The following DPP6 variants were observed in gnomAD, a reference collection of about 807,000 sequenced individuals.
The protein encoded by DPP6 is A-type potassium channel modulatory protein DPP6.
Under a neutral mutation model 122.6 loss-of-function variants are expected in DPP6, and 69 were observed. The ratio of observed to expected loss-of-function variants is 0.56; its 90% CI spans 0.46 to 0.69. The LOEUF is 0.69. DPP6 is among the 30% of genes least tolerant of loss of function. The pLI is 0.00. For missense variants in DPP6, 928 were observed against 1,116.9 expected, an observed-to-expected ratio of 0.83 and a Z score of 2.41; for synonymous variants, 418 against 433.1, an observed-to-expected ratio of 0.97 and a Z score of 0.43.
At chr7:154,769,616 G>T (rs1258354395) in intron 9 of DPP6, 45 bp downstream of exon 9, 3 of 1,508,318 alleles carry the variant, frequency 2.0e-6, no homozygotes, top group East Asian at 4.8e-5. Context: ...TATTATTCAT[G>T]AACACCCCAA....
intron 1 of DPP6, among the ~76,000 whole-genome samples, chr7:154,366,835 C>G (rs1812232668): frequency 6.6e-6 from 1 of 152,162 alleles, no homozygotes; most frequent in South Asian, 2.1e-4. Flanking sequence ...GCCCAAGTCC[C>G]AATACAATTC....
At chr7:154,142,639 A>G (rs1189001184) in intron 1 of DPP6, among the ~76,000 whole-genome samples, 1 of 152,222 alleles carries the variant, frequency 6.6e-6, no homozygotes, top group Non-Finnish European at 1.5e-5. Flanking sequence ...CAGTTGATTA[A>G]TGTCACATGG....
At chr7:154,212,746 G>GA (rs1799807028) in intron 1 of DPP6, among the ~76,000 whole-genome samples, 1 of 152,202 alleles carries the variant, frequency 6.6e-6, no homozygotes. Flanking sequence ...CCTTGACCTT[G>GA]AAAATCACAA....
chr7:154,259,855 T>C (rs1802882297), intron 1 of DPP6, among the ~76,000 whole-genome samples: 2 of 152,170 alleles, frequency 1.3e-5, no homozygotes, highest in Admixed American at 6.5e-5. Flanking sequence ...GGGTGAAGCA[T>C]CTACCGTAAG....
intron 10 of DPP6, among the ~76,000 whole-genome samples, chr7:154,776,801 A>T (rs1796602991): frequency 6.6e-6 from 1 of 152,184 alleles, no homozygotes; most frequent in South Asian, 2.1e-4. Flanking sequence ...TGCTAAAGGA[A>T]CTAACTGAAA....
chr7:154,421,315 CTTT>C (rs35388071), intron 1 of DPP6, among the ~76,000 whole-genome samples: 7 of 140,836 alleles, frequency 5.0e-5, no homozygotes, highest in African/African-American at 1.0e-4. Flanking sequence ...ATGTCAGTTT[CTTT>C]TTTTTTTTTT....
chr7:153,988,658 C>T (rs1796968144), intron 1 of DPP6, among the ~76,000 whole-genome samples: 1 of 152,196 alleles, frequency 6.6e-6, no homozygotes, highest in South Asian at 2.1e-4. Flanking sequence ...AAGGGGTGCT[C>T]CAAGCGGTGC....
chr7:153,993,081 A>G lies in DPP6; in HGVS notation c.51+105347A>G, dbSNP rs559981505. Among the ~76,000 whole-genome samples, 14 of 152,336 alleles carry G rather than the reference A, an allele frequency of 9.2e-5. 1 individual carries two copies. The South Asian group carries it at 2.3e-3, about 25-fold the overall frequency. Reference sequence around the variant, plus strand: ...CTTATCCTTCTACTAAATATGAAATATCATAAGTAGAAGCCACTCCTGCTT... The same window carrying G: ...CTTATCCTTCTACTAAATATGAAATGTCATAAGTAGAAGCCACTCCTGCTT... On this transcript the variant is annotated intron_variant, in intron 1 of 25. Coordinates refer to the DPP6 transcript ENST00000404039.
At chr7:154,584,512 A>G (rs928566357) in intron 5 of DPP6, among the ~76,000 whole-genome samples, 13 of 152,182 alleles carry the variant, frequency 8.5e-5, no homozygotes, top group Non-Finnish European at 1.5e-4. Context: ...TATCCGACCC[A>G]TTGCAAAATG....
At chr7:154,475,085 C>A in intron 3 of DPP6, 48 bp downstream of exon 3, 2 of 1,404,996 alleles carry the variant, frequency 1.4e-6, no homozygotes, top group Non-Finnish European at 2.0e-6. Flanking sequence ...CCATGCCTCA[C>A]CCCCACTTTC....
At chr7:154,322,287 T>C (rs1409670899) in intron 1 of DPP6, among the ~76,000 whole-genome samples, 2 of 152,168 alleles carry the variant, frequency 1.3e-5, no homozygotes, top group Non-Finnish European at 2.9e-5. Flanking sequence ...TAGGATGCAA[T>C]GTGCATTTTT....
At chr7:154,262,061 G>A (rs958346092) in intron 1 of DPP6, among the ~76,000 whole-genome samples, 1 of 151,980 alleles carries the variant, frequency 6.6e-6, no homozygotes, top group Non-Finnish European at 1.5e-5. Context: ...AAGAGAGCTG[G>A]ATTCAGTGTT....
chr7:154,385,573 A>T (rs762069870), intron 1 of DPP6, among the ~76,000 whole-genome samples: 7 of 152,170 alleles, frequency 4.6e-5, no homozygotes, highest in Non-Finnish European at 7.3e-5. Context: ...GTGTGATCAT[A>T]TGAGATGCTA....
intron 7 of DPP6, among the ~76,000 whole-genome samples, chr7:154,717,387 C>T (rs185617064): frequency 3.3e-5 from 5 of 152,026 alleles, no homozygotes; most frequent in African/African-American, 1.2e-4. Context: ...CACAAACACA[C>T]ACACACACAC....
intron 5 of DPP6, among the ~76,000 whole-genome samples, chr7:154,626,734 A>G (rs942198937): frequency 7.2e-5 from 11 of 152,220 alleles, no homozygotes; most frequent in Non-Finnish European, 1.5e-4. Context: ...GAGCTGAGAT[A>G]TAAATACTGA....
At chr7:154,409,686 G>A (rs1445363773) in intron 1 of DPP6, among the ~76,000 whole-genome samples, 1 of 152,122 alleles carries the variant, frequency 6.6e-6, no homozygotes, top group Non-Finnish European at 1.5e-5. Context: ...GGTTTGTTTT[G>A]TTTTTTCCTT....
chr7:154,065,021 T>G (rs1316338056), intron 1 of DPP6, among the ~76,000 whole-genome samples: 1 of 152,152 alleles, frequency 6.6e-6, no homozygotes, highest in Non-Finnish European at 1.5e-5. Context: ...GGTCCCATTC[T>G]AATGCTGTCA....
At chr7:153,825,308 C>T in the DPP6 span, among the ~76,000 whole-genome samples, 1 of 152,096 alleles carries the variant, frequency 6.6e-6, no homozygotes, top group South Asian at 2.1e-4. Flanking sequence ...TGAATCACCT[C>T]CAAAGGCTCT....
intron 1 of DPP6, among the ~76,000 whole-genome samples, chr7:154,295,916 T>G (rs1805505555): frequency 6.6e-6 from 1 of 151,654 alleles, no homozygotes; most frequent in Non-Finnish European, 1.5e-5. Context: ...GATTGCTTAT[T>G]GCTCTGTGTA....
Sources: gnomAD v4.1 joint callset for allele counts (sites outside exome capture counted in the v4.1 genomes callset) on GRCh38, gnomAD v4.1.1 for gene constraint, MANE v1.5 for transcripts, NCBI Gene and HGNC (gene_info 2026-07-23, HGNC 2026-07-21) for gene names.